The following RBFOX1 variants were observed in gnomAD, a reference collection of about 807,000 sequenced individuals.
The protein encoded by RBFOX1 is RNA binding fox-1 homolog 1, also known as RNA binding protein fox-1 homolog 1.
Under a neutral mutation model 57.7 loss-of-function variants are expected in RBFOX1, and 8 were observed. That is an observed-to-expected ratio of 0.14 (90% CI 0.08 to 0.25). RBFOX1 has a LOEUF of 0.25. Ranked by LOEUF, RBFOX1 falls within the 10% of genes least tolerant of loss-of-function variation. The probability of loss-of-function intolerance (pLI) is 1.00; values close to 1 mark genes in which losing one functional copy is unlikely to be tolerated. For synonymous variants in RBFOX1, 326 were observed against 222.4 expected (o/e 1.47, Z -4.15); for missense variants, 611 against 548.5 (o/e 1.11, Z -1.14).
intron 3 of RBFOX1, among the ~76,000 whole-genome samples, chr16:6,997,162 T>G (rs1419181498): frequency 1.3e-5 from 2 of 152,146 alleles, no homozygotes; most frequent in Non-Finnish European, 2.9e-5. Context: ...TTAGCTGAAA[T>G]TAAATAGAGA....
intron 4 of RBFOX1, among the ~76,000 whole-genome samples, chr16:7,512,025 C>G (rs1471951869): frequency 6.6e-6 from 1 of 152,184 alleles, no homozygotes; most frequent in Non-Finnish European, 1.5e-5. Context: ...GCAGATCATC[C>G]TGCTCATCAA....
intron 1 of RBFOX1, among the ~76,000 whole-genome samples, chr16:6,186,937 C>T (rs1462956616): frequency 6.6e-6 from 1 of 152,136 alleles, no homozygotes; most frequent in African/African-American, 2.4e-5. Context: ...TCAAGATCCT[C>T]ACAAGTCATT....
chr16:7,373,126 G>C (rs1373400895), intron 4 of RBFOX1, among the ~76,000 whole-genome samples: 1 of 151,970 alleles, frequency 6.6e-6, no homozygotes, highest in Non-Finnish European at 1.5e-5. Context: ...GTGAGACGGT[G>C]TTTCACCGTG....
chr16:6,895,620 A>G lies in RBFOX1; in HGVS notation c.-15-156437A>G, dbSNP rs540905964. ...GGAGGAAGTGGAGGAGAAGAAAAAA[A>G]TGGAGAGTCATAGATCCTTGACAAT... On this transcript the variant is annotated intron_variant, in intron 3 of 15. Transcript: ENST00000550418. Among the ~76,000 whole-genome samples the G allele has an allele frequency of 2.5e-4, 38 of 151,842 alleles. 1 individual carries two copies. The East Asian group carries it at 6.6e-3, about 26-fold the overall frequency.
intron 3 of RBFOX1, among the ~76,000 whole-genome samples, chr16:5,848,395 C>T (rs77510867): frequency 0.13 from 19,316 of 152,126 alleles, 1,720 homozygotes; most frequent in Non-Finnish European, 0.18. Context: ...CTGAGGTTAA[C>T]AGGGGTTCAG....
Position 6,632,488 on chromosome 16 carries a change from C to G in RBFOX1, c.-63-22115C>G, listed in dbSNP as rs555562574. ...TTACAGTATTTCCTTGGCTAAGTGT[C>G]TGTGGCTGTTATCCATGTGCAGAAT... is the stretch of plus-strand genomic sequence containing the variant. On this transcript the variant is annotated intron_variant, in intron 2 of 15. Transcript: ENST00000550418. Among the ~76,000 whole-genome samples, 21 of 152,298 alleles carry G rather than the reference C, an allele frequency of 1.4e-4. No individual in the cohort carries two copies. The East Asian group carries it at 3.9e-3, about 28-fold the overall frequency.
intron 3 of RBFOX1, among the ~76,000 whole-genome samples, chr16:6,993,658 C>T (rs2091851571): frequency 6.6e-6 from 1 of 152,146 alleles, no homozygotes. Context: ...GTGATTTGCA[C>T]TATTTAGCAT....
At chr16:6,718,943 G>C (rs564180030) in intron 3 of RBFOX1, among the ~76,000 whole-genome samples, 5 of 151,948 alleles carry the variant, frequency 3.3e-5, no homozygotes, top group African/African-American at 9.7e-5. Context: ...GCTTGCTGCA[G>C]CTTCAACCTC....
At chr16:5,732,894 G>A (rs2052433158) in intron 3 of RBFOX1, among the ~76,000 whole-genome samples, 2 of 152,126 alleles carry the variant, frequency 1.3e-5, no homozygotes, top group Non-Finnish European at 2.9e-5. Flanking sequence ...ATAAAAAATT[G>A]CACGAGGCTG....
chr16:5,764,046 A>T (rs1597152202), intron 3 of RBFOX1, among the ~76,000 whole-genome samples: 1 of 152,220 alleles, frequency 6.6e-6, no homozygotes, highest in African/African-American at 2.4e-5. Context: ...TTAGAATCAC[A>T]TCACACACAC....
intron 4 of RBFOX1, among the ~76,000 whole-genome samples, chr16:7,202,544 G>C (rs1460283948): frequency 2.6e-5 from 4 of 152,206 alleles, no homozygotes; most frequent in Non-Finnish European, 5.9e-5. Flanking sequence ...TGGTACCGGT[G>C]TATGGCCTGT....
Position 6,590,913 on chromosome 16 carries a change from G to T in RBFOX1, c.-63-63690G>T, listed in dbSNP as rs1194031089. 2.0e-5 allele frequency among the ~76,000 whole-genome samples: 3 copies of T among 152,150 alleles called. No individual in the cohort carries two copies. The South Asian group carries it at 6.2e-4, about 31-fold the overall frequency. Reference sequence around the variant, plus strand: ...AGCAGACCATGCATTTGCACATTTAGGTTAGTATAGTGGGTAAGATGAGAG... The same window carrying T: ...AGCAGACCATGCATTTGCACATTTATGTTAGTATAGTGGGTAAGATGAGAG... On this transcript the variant is annotated intron_variant, in intron 2 of 15. Coordinates refer to ENST00000550418, the MANE Select transcript of RBFOX1 (RefSeq NM_018723.4).
intron 1 of RBFOX1, among the ~76,000 whole-genome samples, chr16:6,179,348 C>G (rs1474478153): frequency 3.3e-5 from 5 of 152,158 alleles, no homozygotes; most frequent in Non-Finnish European, 7.4e-5. Context: ...CCCATATCAC[C>G]TGTGTCCGCA....
At chr16:5,409,776 G>C (rs1316001661) in intron 1 of RBFOX1, among the ~76,000 whole-genome samples, 4 of 152,170 alleles carry the variant, frequency 2.6e-5, no homozygotes, top group Non-Finnish European at 5.9e-5. Context: ...GCTGGGCATG[G>C]TGGTGGCTCA....
At chr16:7,090,575 AT>A (rs956546350) in intron 4 of RBFOX1, among the ~76,000 whole-genome samples, 16 of 152,114 alleles carry the variant, frequency 1.1e-4, no homozygotes, top group East Asian at 3.9e-4. Context: ...AGATTTATAC[AT>A]TTTTTTCCCT....
chr16:7,708,239 A>C (rs1456944709), intron 14 of RBFOX1, among the ~76,000 whole-genome samples: 4 of 150,652 alleles, frequency 2.7e-5, no homozygotes, highest in Non-Finnish European at 5.9e-5. Flanking sequence ...ACTTCACTTG[A>C]TTCCTTTAAA....
rs1026157739 is a variant in RBFOX1, at chr16:7,713,152, G to T, written c.*2407G>T. On this transcript the variant is annotated 3_prime_UTR_variant, in exon 16 of 16. Transcript: ENST00000550418. ...TTATCTAAATAACTATTGCTATTAT[G>T]AATTATGGAAAATTAATATTATGTG... 1 of 152,038 alleles carries T rather than the reference G, an allele frequency of 6.6e-6. No homozygotes were observed. Among genetic ancestry groups the T allele is most frequent in the African/African-American group, 2.4e-5 (1 of 41,366 alleles). The allele number at this position is 152,038 out of a possible 1,614,324, so 9.4% of individuals were successfully genotyped here. A position where few individuals can be genotyped will look rare whatever the true frequency, so the allele number is the denominator to read the frequency against.
At chr16:7,130,357 C>A (rs148900421) in intron 4 of RBFOX1, among the ~76,000 whole-genome samples, 2 of 152,008 alleles carry the variant, frequency 1.3e-5, no homozygotes, top group African/African-American at 4.8e-5. Context: ...TATTTTTAAG[C>A]CAGCTGAATG....
At chr16:6,289,661 C>G (rs1256311975) in intron 1 of RBFOX1, among the ~76,000 whole-genome samples, 2 of 151,988 alleles carry the variant, frequency 1.3e-5, no homozygotes, top group Non-Finnish European at 2.9e-5. Context: ...ACATAGCTGG[C>G]CCTAGTACAA....
Sources: gnomAD v4.1 joint callset for allele counts (sites outside exome capture counted in the v4.1 genomes callset) on GRCh38, gnomAD v4.1.1 for gene constraint, MANE v1.5 for transcripts, NCBI Gene and HGNC (gene_info 2026-07-23, HGNC 2026-07-21) for gene names.